The following SLC44A1 variants were observed in gnomAD, a reference collection of about 807,000 sequenced individuals.
SLC44A1 encodes the protein choline transporter-like protein 1.
SLC44A1 carries 26 observed loss-of-function variants against 79.3 expected under a neutral mutation model. The ratio of observed to expected loss-of-function variants is 0.33; its 90% CI spans 0.24 to 0.46. The LOEUF is 0.46. SLC44A1 is among the 20% of genes least tolerant of loss of function. The probability of loss-of-function intolerance (pLI) is 1.00; values close to 1 mark genes in which losing one functional copy is unlikely to be tolerated. For synonymous variants in SLC44A1, 263 were observed against 286.2 expected (o/e 0.92, Z 0.82); for missense variants, 688 against 798.1 (o/e 0.86, Z 1.66).
intron 12 of SLC44A1, among the ~76,000 whole-genome samples, chr9:105,372,725 C>T (rs958945523): frequency 2.0e-5 from 3 of 147,956 alleles, no homozygotes; most frequent in East Asian, 2.1e-4. Context: ...CCAAGGCGGG[C>T]GGATCACGAG....
chr9:105,394,086 C>T lies in SLC44A1; in HGVS notation c.*5030C>T. 1.0e-6 allele frequency: 1 copy of T among 985,332 alleles called. No homozygotes were observed. Among genetic ancestry groups the T allele is most frequent in the Non-Finnish European group, 1.2e-6 (1 of 829,884 alleles). The allele number at this position is 985,332 out of a possible 1,614,324, so 61.0% of individuals were successfully genotyped here. A position where few individuals can be genotyped will look rare whatever the true frequency, so the allele number is the denominator to read the frequency against. On this transcript the variant is annotated 3_prime_UTR_variant, in exon 16 of 16. Coordinates refer to ENST00000374720, the MANE Select transcript of SLC44A1 (RefSeq NM_080546.5). The stretch of plus-strand genomic sequence containing the variant: ...TGCACATCACATGTCTGTGAACACT[C>T]AAAATGCTCATAGAATTTCAGGGCC...
At chr9:105,258,621 A>G (rs1390381268) in intron 1 of SLC44A1, among the ~76,000 whole-genome samples, 1 of 152,130 alleles carries the variant, frequency 6.6e-6, no homozygotes, top group Non-Finnish European at 1.5e-5. Flanking sequence ...TGGTAGATTG[A>G]ATGTACCTTA....
At chr9:105,397,516 C>G (rs1230796827), downstream of SLC44A1, among the ~76,000 whole-genome samples, 1 of 152,134 alleles carries the variant, frequency 6.6e-6, no homozygotes, top group Non-Finnish European at 1.5e-5. Context: ...TTCGGAATAG[C>G]AACTATAAAT....
chr9:105,359,962 T>A (rs186626426), intron 7 of SLC44A1, among the ~76,000 whole-genome samples: 8 of 152,338 alleles, frequency 5.3e-5, no homozygotes, highest in African/African-American at 1.7e-4. Context: ...CAGTTTTTTA[T>A]ATCCCAGACA....
chr9:105,381,678 C>A (rs901153112), intron 13 of SLC44A1, among the ~76,000 whole-genome samples: 10 of 152,086 alleles, frequency 6.6e-5, no homozygotes, highest in African/African-American at 2.4e-4. Flanking sequence ...GAAAATAAGT[C>A]ACTATAAGAG....
chr9:105,382,537 G>A (rs1225488237), intron 13 of SLC44A1, among the ~76,000 whole-genome samples: 1 of 152,142 alleles, frequency 6.6e-6, no homozygotes, highest in Non-Finnish European at 1.5e-5. Flanking sequence ...GTTTGTTGCA[G>A]CATTATTTAT....
chr9:105,316,129 A>T (rs1002702091), intron 3 of SLC44A1, among the ~76,000 whole-genome samples: 2 of 152,290 alleles, frequency 1.3e-5, no homozygotes, highest in South Asian at 4.1e-4. Flanking sequence ...CAAAATAAAC[A>T]TACTTTTTTT....
At chr9:105,340,222 T>A (rs367661012) in intron 4 of SLC44A1, among the ~76,000 whole-genome samples, 1 of 152,170 alleles carries the variant, frequency 6.6e-6, no homozygotes, top group East Asian at 1.9e-4. Flanking sequence ...AATAGGAAAA[T>A]AAATTCTGAC....
chr9:105,333,178 A>G (rs923124971), intron 3 of SLC44A1, among the ~76,000 whole-genome samples: 1 of 152,222 alleles, frequency 6.6e-6, no homozygotes, highest in Non-Finnish European at 1.5e-5. Context: ...CAGACAGTGT[A>G]TCTATTCTCA....
intron 8 of SLC44A1, 83 bp from the exon 9 acceptor site, chr9:105,362,738 A>G: frequency 1.0e-6 from 1 of 1,003,786 alleles, no homozygotes; most frequent in South Asian, 1.9e-5. Context: ...TTGGGGCTGA[A>G]GGGTTATGTT....
intron 15 of SLC44A1, among the ~76,000 whole-genome samples, chr9:105,387,316 C>T (rs1341950949): frequency 6.6e-6 from 1 of 151,948 alleles, no homozygotes; most frequent in Non-Finnish European, 1.5e-5. Flanking sequence ...TCCCAGAGCA[C>T]AGATCACTCT....
chr9:105,298,002 G>C (rs530992925), intron 1 of SLC44A1, among the ~76,000 whole-genome samples: 30 of 152,106 alleles, frequency 2.0e-4, no homozygotes, highest in African/African-American at 7.2e-4. Flanking sequence ...GAGAGGGTGT[G>C]AGACTCGGGC....
chr9:105,391,167 C>G lies in SLC44A1; in HGVS notation c.*2111C>G, dbSNP rs542629155. On this transcript the variant is annotated 3_prime_UTR_variant, in exon 16 of 16. Coordinates refer to ENST00000374720, the MANE Select transcript of SLC44A1 (RefSeq NM_080546.5). ...CCCTCCAAAGTGACCTGATGGAAGTCCTGAACTTGGAAATTAGGTTCTACT... is the reference window on the plus strand; with the variant it reads ...CCCTCCAAAGTGACCTGATGGAAGTGCTGAACTTGGAAATTAGGTTCTACT... The G allele has an allele frequency of 2.0e-6, 2 of 985,680 alleles. No individual in the cohort carries two copies. Among genetic ancestry groups the G allele is most frequent in the South Asian group, 9.4e-5 (2 of 21,280 alleles). 61.1% of individuals were successfully genotyped at this position (985,680 alleles called of 1,614,324 possible). A position where few individuals can be genotyped will look rare whatever the true frequency, so the allele number is the denominator to read the frequency against.
chr9:105,247,792 G>A (rs1006184080), intron 1 of SLC44A1, among the ~76,000 whole-genome samples: 1 of 152,178 alleles, frequency 6.6e-6, no homozygotes, highest in African/African-American at 2.4e-5. Flanking sequence ...TTGAACCTCT[G>A]GCTGGCAAGT....
intron 5 of SLC44A1, among the ~76,000 whole-genome samples, chr9:105,355,342 G>A (rs1162354363): frequency 6.6e-6 from 1 of 152,142 alleles, no homozygotes; most frequent in Non-Finnish European, 1.5e-5. Flanking sequence ...AAAAGTTTCA[G>A]TCCATATAAG....
intron 1 of SLC44A1, among the ~76,000 whole-genome samples, chr9:105,247,775 CAT>C (rs1160505795): frequency 1.9e-4 from 29 of 152,310 alleles, no homozygotes; most frequent in African/African-American, 6.3e-4. Flanking sequence ...AATATGTAGA[CAT>C]ATATTTGAAC....
intron 15 of SLC44A1, among the ~76,000 whole-genome samples, chr9:105,419,454 CCATATGTTG>C (rs1829215454): frequency 6.6e-6 from 1 of 152,294 alleles, no homozygotes; most frequent in Non-Finnish European, 1.5e-5. Flanking sequence ...TTTGGAAAGA[CCATATGTTG>C]CAATCTGAGA....
intron 3 of SLC44A1, among the ~76,000 whole-genome samples, chr9:105,316,221 G>A (rs964705835): frequency 1.3e-5 from 2 of 152,058 alleles, no homozygotes; most frequent in African/African-American, 2.4e-5. Flanking sequence ...TATAGGAAGC[G>A]TTTTGAAGAG....
downstream of SLC44A1, among the ~76,000 whole-genome samples, chr9:105,398,727 C>A (rs142361852): frequency 6.6e-6 from 1 of 152,156 alleles, no homozygotes; most frequent in Non-Finnish European, 1.5e-5. Context: ...AAAACTCTTA[C>A]ACATGTTGAA....
Sources: gnomAD v4.1 joint callset for allele counts (sites outside exome capture counted in the v4.1 genomes callset) on GRCh38, gnomAD v4.1.1 for gene constraint, MANE v1.5 for transcripts, NCBI Gene and HGNC (gene_info 2026-07-23, HGNC 2026-07-21) for gene names.